Variants in OR2L13 observed in about 807,000 individuals in gnomAD.
OR2L13 encodes the protein olfactory receptor 2L13.
Under a neutral mutation model 15.3 loss-of-function variants are expected in OR2L13, and 14 were observed. The observed-to-expected ratio is 0.91, with a 90% CI of 0.60 to 1.43. The LOEUF (loss-of-function observed/expected upper bound fraction) is 1.43, where lower values mean the gene tolerates loss of function less well. Among genes scored for constraint, OR2L13 ranks in the 40% most tolerant of loss-of-function variants. OR2L13 has a pLI of 0.00. For missense variants in OR2L13, 367 were observed against 387.9 expected, an observed-to-expected ratio of 0.95 and a Z score of 0.45; for synonymous variants, 152 against 142.9, an observed-to-expected ratio of 1.06 and a Z score of -0.45.
chr1:248,064,694 C>G, the OR2L13 span, among the ~76,000 whole-genome samples: 1 of 152,136 alleles, frequency 6.6e-6, no homozygotes. Context: ...TTGGGGAAAT[C>G]ATTCCATCTC....
At chr1:248,065,899 T>A in the OR2L13 span, among the ~76,000 whole-genome samples, 3 of 152,166 alleles carry the variant, frequency 2.0e-5, no homozygotes, top group Non-Finnish European at 4.4e-5. Context: ...CTTTTCAGCA[T>A]GCAGCAAGTT....
At chr1:248,046,934 C>T in the OR2L13 span, 7 of 152,212 alleles carry the variant, frequency 4.6e-5, no homozygotes, top group South Asian at 1.4e-3. Context: ...GAAGAAGGAA[C>T]TCTGGCAAGT....
the OR2L13 span, among the ~76,000 whole-genome samples, chr1:247,974,511 T>C: frequency 2.0e-5 from 3 of 152,176 alleles, no homozygotes; most frequent in African/African-American, 7.2e-5. Flanking sequence ...TTATAATTGT[T>C]CTATTTTATT....
the OR2L13 span, among the ~76,000 whole-genome samples, chr1:247,952,174 C>A: frequency 6.6e-6 from 1 of 152,150 alleles, no homozygotes; most frequent in African/African-American, 2.4e-5. Flanking sequence ...AACAGAAGAG[C>A]ATGAAACCAT....
chr1:247,990,997 C>T, the OR2L13 span: 32 of 1,515,632 alleles, frequency 2.1e-5, no homozygotes, highest in South Asian at 3.1e-4. Flanking sequence ...CAGCACCCAC[C>T]TCACTGTAGT....
chr1:247,971,208 T>C, the OR2L13 span, among the ~76,000 whole-genome samples: 3 of 152,168 alleles, frequency 2.0e-5, no homozygotes, highest in Non-Finnish European at 1.5e-5. Context: ...GGAGACTGTT[T>C]TTTTACTTTG....
the OR2L13 span, among the ~76,000 whole-genome samples, chr1:248,034,526 T>A: frequency 6.6e-6 from 1 of 152,208 alleles, no homozygotes. Flanking sequence ...TCATTAGAAT[T>A]TTCATAGATT....
At chr1:247,988,653 T>C in the OR2L13 span, among the ~76,000 whole-genome samples, 1 of 152,034 alleles carries the variant, frequency 6.6e-6, no homozygotes, top group Non-Finnish European at 1.5e-5. Flanking sequence ...GACCTTTGGC[T>C]CTAAAATAAT....
At chr1:247,965,327 A>T in the OR2L13 span, 1 of 1,539,442 alleles carries the variant, frequency 6.5e-7, no homozygotes, top group Non-Finnish European at 8.7e-7. Flanking sequence ...AGTCAACATT[A>T]TTACATGAAC....
At chr1:248,013,949 C>A in the OR2L13 span, among the ~76,000 whole-genome samples, 2 of 151,912 alleles carry the variant, frequency 1.3e-5, no homozygotes, top group Non-Finnish European at 2.9e-5. Flanking sequence ...ATGTGTTTCC[C>A]GGATTGGAAG....
chr1:248,038,108 G>T, the OR2L13 span: 1 of 545,248 alleles, frequency 1.8e-6, no homozygotes, highest in Non-Finnish European at 3.3e-6. Flanking sequence ...TTTATAATAT[G>T]CATTTATGGA....
At chr1:248,031,572 A>C in the OR2L13 span, among the ~76,000 whole-genome samples, 1 of 152,032 alleles carries the variant, frequency 6.6e-6, no homozygotes, top group Non-Finnish European at 1.5e-5. Flanking sequence ...CTTCTGATGT[A>C]TTTTCTATCC....
At chr1:248,069,709 T>C in the OR2L13 span, among the ~76,000 whole-genome samples, 1 of 152,144 alleles carries the variant, frequency 6.6e-6, no homozygotes, top group South Asian at 2.1e-4. Context: ...GACCCATCAG[T>C]GTGCTGTATT....
the OR2L13 span, among the ~76,000 whole-genome samples, chr1:247,970,925 A>T: frequency 6.6e-6 from 1 of 152,268 alleles, no homozygotes; most frequent in South Asian, 2.1e-4. Context: ...CATTCTTCCT[A>T]TGTATTTAAC....
the OR2L13 span, among the ~76,000 whole-genome samples, chr1:247,952,201 G>A: frequency 3.9e-5 from 6 of 152,170 alleles, no homozygotes; most frequent in African/African-American, 1.2e-4. Context: ...AGCCCTTTGA[G>A]TGTGAACCCT....
the OR2L13 span, chr1:248,038,308 T>G: frequency 1.2e-6 from 2 of 1,613,238 alleles, no homozygotes; most frequent in East Asian, 4.5e-5. Context: ...TTCATCTTAT[T>G]GGGGCTGTTC....
the OR2L13 span, among the ~76,000 whole-genome samples, chr1:248,008,350 T>C: frequency 6.6e-6 from 1 of 152,194 alleles, no homozygotes; most frequent in Admixed American, 6.5e-5. Context: ...TAAAAATATC[T>C]TGCATTGACC....
the OR2L13 span, chr1:248,042,267 A>G: frequency 6.7e-6 from 1 of 150,040 alleles, no homozygotes; most frequent in African/African-American, 2.4e-5. Context: ...AAAAAACCAA[A>G]CACCGCATAT....
upstream of OR2L13, among the ~76,000 whole-genome samples, chr1:248,093,139 T>A (rs538149377): frequency 6.6e-6 from 1 of 152,292 alleles, no homozygotes; most frequent in Admixed American, 6.5e-5. Context: ...CTGATTGTTT[T>A]ATTAACAGGT....
Sources: gnomAD v4.1 joint callset for allele counts (sites outside exome capture counted in the v4.1 genomes callset) on GRCh38, gnomAD v4.1.1 for gene constraint, MANE v1.5 for transcripts, NCBI Gene and HGNC (gene_info 2026-07-23, HGNC 2026-07-21) for gene names.